ZIC3: variants seen among roughly 807,000 people sequenced by gnomAD.
The protein encoded by ZIC3 is Zic family zinc finger 3.
In ZIC3, 6 loss-of-function variants were observed where a neutral mutation model predicts 18.3. The ratio of observed to expected loss-of-function variants is 0.33; its 90% CI spans 0.18 to 0.65. ZIC3 has a LOEUF of 0.65. Ranked by LOEUF, ZIC3 falls within the 30% of genes least tolerant of loss-of-function variation. ZIC3 has a pLI of 0.75. For synonymous variants in ZIC3, 175 were observed against 177.0 expected (o/e 0.99, Z 0.09); for missense variants, 260 against 410.0 (o/e 0.63, Z 3.16).
At chrX:137,568,659 G>C in intron 1 of ZIC3, 1 of 363,339 alleles carries the variant, frequency 2.8e-6, no homozygotes, top group Non-Finnish European at 4.9e-6. Context: ...CAAGAACAAA[G>C]ACATGGTCAG....
downstream of ZIC3, among the ~76,000 whole-genome samples, chrX:137,572,403 G>A (rs1193246049): frequency 2.7e-5 from 3 of 111,845 alleles, no homozygotes; most frequent in Admixed American, 2.8e-4. Context: ...CACATGTGAT[G>A]AGCAGGTAAC....
At chrX:137,576,160 A>G (rs1931512148), downstream of ZIC3, among the ~76,000 whole-genome samples, 1 of 108,767 alleles carries the variant, frequency 9.2e-6, no homozygotes, top group Non-Finnish European at 1.9e-5. Context: ...GAGAGATCAA[A>G]GGAAGTAAAT....
intron 1 of ZIC3, among the ~76,000 whole-genome samples, chrX:137,568,043 G>A (rs1931377313): frequency 1.8e-5 from 2 of 113,132 alleles, no homozygotes; most frequent in Admixed American, 1.8e-4. Flanking sequence ...CCCTTTCTGG[G>A]TTACCGTGAA....
At position 137,566,720 on chromosome X, in the gene ZIC3, A is replaced by T. The variant is rs771361451; in HGVS notation, c.29A>T (p.Gln10Leu). 2.8e-5 allele frequency: 33 copies of T among 1,197,305 alleles called. No homozygotes were observed. Among genetic ancestry groups the T allele is most frequent in the Non-Finnish European group, 3.6e-5 (32 of 889,585 alleles). Residue 10 changes from glutamine to leucine, a missense_variant, in exon 1 of 3, where the codon CAG becomes CTG. Gln to Leu is a moderately radical substitution (Grantham distance 113, BLOSUM62 -2). This residue lies in a region of ZIC3 where 183 missense variants were observed against 223.8 expected (regional missense o/e 0.82). Coordinates refer to ENST00000287538, the MANE Select transcript of ZIC3 (RefSeq NM_003413.4). ...ACGATGCTCCTGGACGGAGGCCCGC[A>T]GTTCCCTGGGCTGGGAGTGGGCAGC... The part of the protein sequence containing the change: MTMLLDGGP[Q>L]FPGLGVGSFG...
downstream of ZIC3, among the ~76,000 whole-genome samples, chrX:137,572,197 G>A (rs1931449464): frequency 2.7e-5 from 3 of 112,325 alleles, no homozygotes; most frequent in Non-Finnish European, 5.6e-5. Flanking sequence ...AAGAAACTTT[G>A]ATTCTGTGAA....
exon 3 of ZIC3, chrX:137,577,150 C>T (rs1418049154): frequency 1.9e-6 from 1 of 524,308 alleles, no homozygotes; most frequent in South Asian, 2.5e-5. Flanking sequence ...CCGGGACAGT[C>T]TCTAATTCCT....
chrX:137,567,158 C>T lies in ZIC3; in HGVS notation c.467C>T (p.Pro156Leu). The T allele has an allele frequency of 8.3e-7, 1 of 1,206,891 alleles. No homozygotes were observed. The highest frequency in any genetic ancestry group is 3.0e-5 in the East Asian group (1 of 33,674). The change falls in exon 1 of 3, where the codon CCC (proline) becomes CTC (leucine). Residue 156 changes from proline (P) to leucine (L), a missense_variant. Physicochemically the swap from Pro to Leu is moderately conservative, Grantham distance 98 (BLOSUM62 -3). This residue lies in a region of ZIC3 where 183 missense variants were observed against 223.8 expected (regional missense o/e 0.82). Coordinates refer to ENST00000287538, the MANE Select transcript of ZIC3 (RefSeq NM_003413.4). ...SLHAPAGIPE[P>L]PSYLLFPGLH... ...CATGCTCCAGCTGGCATCCCCGAGCCCCCTAGCTACTTGCTGTTTCCCGGG... is the reference window on the plus strand; with the variant it reads ...CATGCTCCAGCTGGCATCCCCGAGCTCCCTAGCTACTTGCTGTTTCCCGGG...
chrX:137,569,181 C>A, intron 2 of ZIC3, 116 bp downstream of exon 2: 2 of 895,061 alleles, frequency 2.2e-6, no homozygotes, highest in Non-Finnish European at 3.2e-6. Context: ...ATCCGATTTG[C>A]TCCAGCAGTG....
chrX:137,573,180 C>A (rs1931464609), downstream of ZIC3, among the ~76,000 whole-genome samples: 1 of 98,283 alleles, frequency 1.0e-5, no homozygotes, highest in Non-Finnish European at 2.0e-5. Flanking sequence ...CCAAAATCAT[C>A]AATGCTCAAG....
rs1339194842 is a variant in ZIC3, at chrX:137,570,496, A to G, written c.*426A>G. On this transcript the variant is annotated 3_prime_UTR_variant, in exon 3 of 3. Transcript: ENST00000287538. ...AACTCTCACAGTCTTAAACCGTGCC[A>G]AAGTCCTGTTATGTCTTGAACTTTT... 1.2e-5 allele frequency: 2 copies of G among 167,128 alleles called. No individual in the cohort carries two copies. Among genetic ancestry groups the G allele is most frequent in the East Asian group, 3.1e-4 (2 of 6,522 alleles). 13.8% of individuals were successfully genotyped at this position (167,128 alleles called of 1,213,427 possible). A position where few individuals can be genotyped will look rare whatever the true frequency, so the allele number is the denominator to read the frequency against.
rs778174682 is a variant in ZIC3, at chrX:137,567,564, G to A, written c.873G>A (p.Glu291=). 3 of 1,212,539 alleles carry A rather than the reference G, an allele frequency of 2.5e-6. No homozygotes were observed. In the East Asian group the frequency reaches 8.9e-5, roughly 36 times the overall value. Reference sequence around the variant, plus strand: ...CCATGGAGCATGTGGGGGGCCCGGAGCAGAACAACCACGTCTGCTACTGGG... The same window carrying A: ...CCATGGAGCATGTGGGGGGCCCGGAACAGAACAACCACGTCTGCTACTGGG... ...HVTMEHVGGP[E]QNNHVCYWEE... The change falls in exon 1 of 3, where the codon GAG becomes GAA. Residue 291 remains glutamate, a synonymous_variant. Coordinates refer to ENST00000287538, the MANE Select transcript of ZIC3 (RefSeq NM_003413.4).
At chrX:137,568,622 G>A (rs1036728834) in intron 1 of ZIC3, among the ~76,000 whole-genome samples, 7 of 111,090 alleles carry the variant, frequency 6.3e-5, no homozygotes, top group African/African-American at 2.0e-4. Context: ...GGGAAACTTC[G>A]GAGGAGCCAG....
rs1401456178 is a variant in ZIC3, at chrX:137,566,746, T to C, written c.55T>C (p.Phe19Leu). ...PQFPGLGVGS[F>L]GAPRHHEMPN... ...GTTCCCTGGGCTGGGAGTGGGCAGC[T>C]TCGGCGCGCCGCGCCACCACGAGAT... The change falls in exon 1 of 3, where the codon TTC becomes CTC. Residue 19 changes from phenylalanine to leucine, a missense_variant. By Grantham distance (22) the Phe-to-Leu change is conservative (BLOSUM62 0). Transcript: ENST00000287538. 3.4e-6 allele frequency: 4 copies of C among 1,191,113 alleles called. No individual in the cohort carries two copies. In the East Asian group the frequency reaches 9.1e-5, roughly 27 times the overall value.
At chrX:137,575,713 C>T (rs1931506109), downstream of ZIC3, among the ~76,000 whole-genome samples, 1 of 111,198 alleles carries the variant, frequency 9.0e-6, no homozygotes, top group Non-Finnish European at 1.9e-5. Flanking sequence ...GGGGCAGTTC[C>T]CGTGGGCCAC....
At position 137,570,419 on chromosome X, in the gene ZIC3, TG is replaced by T; in HGVS notation, c.*351del. ...GAAGTTATAGAAGGCTTGTTGGTGG[TG>T]GTGATGTTAAACTGATGGAAATTCT... On this transcript the variant is annotated 3_prime_UTR_variant, in exon 3 of 3. Transcript: ENST00000287538. 1 of 261,892 alleles carries T rather than the reference TG, an allele frequency of 3.8e-6. No individual in the cohort carries two copies. Among genetic ancestry groups the T allele is most frequent in the Non-Finnish European group, 6.9e-6 (1 of 145,906 alleles). 21.6% of individuals were successfully genotyped at this position (261,892 alleles called of 1,213,427 possible). A position where few individuals can be genotyped will look rare whatever the true frequency, so the allele number is the denominator to read the frequency against.
Position 137,567,286 on chromosome X carries a change from T to C in ZIC3, c.595T>C (p.Tyr199His). ...RGELFGRADP[Y>H]RPVASPRTDP... Reference sequence around the variant, plus strand: ...GGAGCTGTTCGGCCGTGCTGACCCATACCGCCCAGTGGCCAGCCCGCGCAC... The same window carrying C: ...GGAGCTGTTCGGCCGTGCTGACCCACACCGCCCAGTGGCCAGCCCGCGCAC... Residue 199 changes from tyrosine to histidine, a missense_variant, in exon 1 of 3, where the codon TAC becomes CAC. Tyr to His is a moderately conservative substitution (Grantham distance 83). Around this residue, in one of 4 missense-constraint regions of ZIC3, gnomAD observed 183 missense variants for 223.8 expected, o/e 0.82. Coordinates refer to ENST00000287538, the MANE Select transcript of ZIC3 (RefSeq NM_003413.4). 1 of 1,211,279 alleles carries C rather than the reference T, an allele frequency of 8.3e-7. No homozygotes were observed. Among genetic ancestry groups the C allele is most frequent in the Non-Finnish European group, 1.1e-6 (1 of 895,538 alleles).
intron 2 of ZIC3, 21 bp downstream of exon 2, chrX:137,569,086 G>T (rs772237598): frequency 2.5e-6 from 3 of 1,210,995 alleles, no homozygotes. Context: ...CTTTATTAGC[G>T]GTCGGCGGTT....
At chrX:137,576,885 A>G (rs190518865), downstream of ZIC3, among the ~76,000 whole-genome samples, 2 of 112,091 alleles carry the variant, frequency 1.8e-5, no homozygotes, top group African/African-American at 6.5e-5. Flanking sequence ...CCAGATGGCA[A>G]ATTATAATAT....
Position 137,566,414 on chromosome X carries a change from A to C in ZIC3, c.-278A>C. 1 of 421,942 alleles carries C rather than the reference A, an allele frequency of 2.4e-6. No individual in the cohort carries two copies. The highest frequency in any genetic ancestry group is 4.1e-6 in the Non-Finnish European group (1 of 244,503). 34.8% of individuals were successfully genotyped at this position (421,942 alleles called of 1,213,427 possible). On this transcript the variant is annotated 5_prime_UTR_variant, in exon 1 of 3. Transcript: ENST00000287538. ...TTGTGCGCGCCTGTTAGTTTGTTAA[A>C]CCAGATCTAGTCCGAGTCTTTTCTC...
Sources: allele counts gnomAD v4.1 joint callset (sites outside exome capture counted in the v4.1 genomes callset), GRCh38; gene constraint gnomAD v4.1.1; regional missense constraint gnomAD v4.1.1; transcripts MANE v1.5; gene names NCBI Gene and HGNC (gene_info 2026-07-23, HGNC 2026-07-21).